The following SORBS2 variants were observed in gnomAD, a reference collection of about 807,000 sequenced individuals.
SORBS2 encodes sorbin and SH3 domain containing 2, also known as sorbin and SH3 domain-containing protein 2.
Under a neutral mutation model 97.7 loss-of-function variants are expected in SORBS2, and 46 were observed. The observed-to-expected ratio is 0.47, with a 90% CI of 0.37 to 0.60. The LOEUF (loss-of-function observed/expected upper bound fraction) is 0.60. Ranked by LOEUF, SORBS2 falls within the 20% of genes least tolerant of loss-of-function variation. SORBS2 has a pLI of 0.00. For missense variants in SORBS2, 1,316 were observed against 1,282.3 expected, an observed-to-expected ratio of 1.03 and a Z score of -0.40; for synonymous variants, 476 against 473.4, an observed-to-expected ratio of 1.01 and a Z score of -0.07.
chr4:185,605,004 C>G (rs560659652), intron 12 of SORBS2, among the ~76,000 whole-genome samples: 2 of 152,242 alleles, frequency 1.3e-5, no homozygotes, highest in East Asian at 1.9e-4. Flanking sequence ...TCTAATCACA[C>G]CTTCAGATTG....
In SORBS2 at chr4:185,821,158, C is replaced by A. The variant is rs543592673; in HGVS notation, c.-337-45792G>T. 1.2e-4 allele frequency among the ~76,000 whole-genome samples: 19 copies of A among 152,324 alleles called. No individual in the cohort carries two copies. In the East Asian group the frequency reaches 3.7e-3, roughly 29 times the overall value. On this transcript the variant is annotated intron_variant, in intron 1 of 20. Transcript: ENST00000284776. ...GGAGCAGAGGGAACAAATGAACCGT[C>A]CCGCGCCTCACCAAGGGGCCACACG...
upstream of SORBS2, chr4:185,657,068 G>T (rs1225563857): frequency 2.5e-6 from 1 of 405,886 alleles, no homozygotes; most frequent in Non-Finnish European, 3.6e-6. Context: ...TGCAGCCAAA[G>T]AATTTCCATT....
rs2099153884 is a variant in SORBS2, at chr4:185,806,434, C to CTGTTTTTTTTTTTTTTTTT, written c.-337-31069_-337-31068insAAAAAAAAAAAAAAAAACA. ...AGTGGCACAGCTCTTGGCTAGAATC[C>CTGTTTTTTTTTTTTTTTTT]TATTTTTTTTTTTTTTTTTTTTTTT... On this transcript the variant is annotated intron_variant, in intron 1 of 20. Transcript: ENST00000284776. Among the ~76,000 whole-genome samples the CTGTTTTTTTTTTTTTTTTT allele has an allele frequency of 4.6e-5, 5 of 108,110 alleles. 2 individuals are homozygous for CTGTTTTTTTTTTTTTTTTT. The highest frequency in any genetic ancestry group is 1.8e-4 in the African/African-American group (5 of 27,232). 70.9% of individuals were successfully genotyped at this position (108,110 alleles called of 152,430 possible).
chr4:185,780,326 C>G (rs1006172880), intron 1 of SORBS2, among the ~76,000 whole-genome samples: 3 of 152,108 alleles, frequency 2.0e-5, no homozygotes, highest in African/African-American at 7.2e-5. Flanking sequence ...GGAGTAACAC[C>G]TTTTATGCTT....
Position 185,797,456 on chromosome 4 carries a change from TTCTC to T in SORBS2, c.-337-22094_-337-22091del, listed in dbSNP as rs554137950. ...AAGAAGCTCCAATGGTTCTCTCTCT[TTCTC>T]TCTTTTTCTTTCCCTAAAGAATTAA... On this transcript the variant is annotated intron_variant, in intron 1 of 20. Transcript: ENST00000284776. 3.8e-4 allele frequency among the ~76,000 whole-genome samples: 58 copies of T among 152,314 alleles called. 1 individual carries two copies. In the South Asian group the frequency reaches 0.012, roughly 31 times the overall value.
At chr4:185,716,807 C>T (rs1049117278) in intron 2 of SORBS2, among the ~76,000 whole-genome samples, 3 of 152,054 alleles carry the variant, frequency 2.0e-5, no homozygotes, top group Non-Finnish European at 2.9e-5. Flanking sequence ...ACTGCGCAGG[C>T]GGGTCAGAGG....
intron 4 of SORBS2, among the ~76,000 whole-genome samples, chr4:185,631,579 G>A (rs2096907120): frequency 1.3e-5 from 2 of 152,058 alleles, no homozygotes; most frequent in Non-Finnish European, 2.9e-5. Context: ...CCTGACCAAC[G>A]TGGTGAAACC....
intron 2 of SORBS2, among the ~76,000 whole-genome samples, chr4:185,696,944 C>G (rs1269793336): frequency 6.6e-6 from 1 of 152,122 alleles, no homozygotes; most frequent in Non-Finnish European, 1.5e-5. Context: ...AATTCAGATT[C>G]TGACTGAGGA....
At chr4:185,801,390 C>T (rs1483312546) in intron 1 of SORBS2, among the ~76,000 whole-genome samples, 1 of 152,158 alleles carries the variant, frequency 6.6e-6, no homozygotes, top group Non-Finnish European at 1.5e-5. Context: ...TGAGGAAACT[C>T]TGCACAATTT....
chr4:185,697,112 G>A (rs766165976), intron 2 of SORBS2, among the ~76,000 whole-genome samples: 31 of 152,102 alleles, frequency 2.0e-4, no homozygotes, highest in African/African-American at 6.5e-4. Context: ...CTATGCATCC[G>A]AACAATTTAT....
intron 2 of SORBS2, among the ~76,000 whole-genome samples, chr4:185,696,169 G>A (rs2098172422): frequency 1.3e-5 from 2 of 152,242 alleles, no homozygotes; most frequent in South Asian, 2.1e-4. Flanking sequence ...ATGAGAATAC[G>A]CGGAGTGTTA....
At chr4:185,849,103 A>T (rs2099216311) in intron 1 of SORBS2, among the ~76,000 whole-genome samples, 2 of 152,190 alleles carry the variant, frequency 1.3e-5, no homozygotes, top group African/African-American at 2.4e-5. Context: ...CCTCTTATAT[A>T]GCTGGCCCTT....
chr4:185,848,540 G>T (rs757083167), intron 1 of SORBS2, among the ~76,000 whole-genome samples: 4 of 147,190 alleles, frequency 2.7e-5, no homozygotes, highest in Admixed American at 6.8e-5. Context: ...TAGAAAAACT[G>T]TCACACAAAT....
intron 2 of SORBS2, among the ~76,000 whole-genome samples, chr4:185,749,347 G>A (rs2098785361): frequency 6.6e-6 from 1 of 152,228 alleles, no homozygotes; most frequent in South Asian, 2.1e-4. Flanking sequence ...CAGCAGAGCT[G>A]TCAGAGAAGA....
intron 2 of SORBS2, among the ~76,000 whole-genome samples, chr4:185,718,450 G>A (rs1035111373): frequency 2.6e-5 from 4 of 152,160 alleles, no homozygotes; most frequent in African/African-American, 9.7e-5. Flanking sequence ...AGACAAGTTT[G>A]TATAAACAGG....
chr4:185,803,855 G>A (rs899460472), intron 1 of SORBS2, among the ~76,000 whole-genome samples: 1 of 152,190 alleles, frequency 6.6e-6, no homozygotes, highest in African/African-American at 2.4e-5. Context: ...CTGAGTTACT[G>A]CCCTAAGACA....
intron 2 of SORBS2, among the ~76,000 whole-genome samples, chr4:185,698,202 G>A (rs1260902758): frequency 3.3e-5 from 5 of 152,164 alleles, no homozygotes; most frequent in African/African-American, 1.2e-4. Context: ...TTGGCCAGGC[G>A]CAGTGGCTCA....
intron 2 of SORBS2, among the ~76,000 whole-genome samples, chr4:185,726,573 A>G (rs1209063716): frequency 2.6e-5 from 4 of 151,796 alleles, no homozygotes; most frequent in African/African-American, 4.8e-5. Flanking sequence ...CTAACAAACA[A>G]TAGTTCTGGA....
intron 1 of SORBS2, among the ~76,000 whole-genome samples, chr4:185,916,667 C>T (rs1429492904): frequency 6.6e-6 from 1 of 152,194 alleles, no homozygotes; most frequent in African/African-American, 2.4e-5. Context: ...GGGACATTTT[C>T]TGTGTCTGGA....
Sources: allele counts gnomAD v4.1 joint callset (sites outside exome capture counted in the v4.1 genomes callset), GRCh38; gene constraint gnomAD v4.1.1; transcripts MANE v1.5; gene names NCBI Gene and HGNC (gene_info 2026-07-23, HGNC 2026-07-21).